The following CYB5R4 variants were observed in gnomAD, a reference collection of about 807,000 sequenced individuals.
CYB5R4 encodes cytochrome b5 reductase 4, also known as N-terminal cytochrome b5 and cytochrome b5 oxidoreductase domain-containing protein.
In CYB5R4, 55 loss-of-function variants were observed where a neutral mutation model predicts 70.2. That is an observed-to-expected ratio of 0.78 (90% CI 0.63 to 0.98). CYB5R4 has a LOEUF of 0.98. Ranked by LOEUF, CYB5R4 falls within the 50% of genes least tolerant of loss-of-function variation. CYB5R4 has a pLI of 0.00. For missense variants in CYB5R4, 562 were observed against 612.6 expected (o/e 0.92, Z 0.87); for synonymous variants, 197 against 199.5 (o/e 0.99, Z 0.11).
Position 83,931,804 on chromosome 6 carries a change from T to TATATA in CYB5R4, c.815-2791_815-2790insATATA, listed in dbSNP as rs56378960. ...TCTTTTTTGTTTATATATATATATA[T>TATATA]TTTTTTTTTATTATACTTTAAGTTC... On this transcript the variant is annotated intron_variant, in intron 10 of 15. Transcript: ENST00000369681. Among the ~76,000 whole-genome samples, 644 of 135,078 alleles carry TATATA rather than the reference T, an allele frequency of 4.8e-3. 4 individuals carry two copies. The highest frequency in any genetic ancestry group is 0.016 in the African/African-American group (589 of 36,540). The allele number at this position is 135,078 out of a possible 152,430, so 88.6% of individuals were successfully genotyped here.
chr6:83,876,455 A>T (rs2099458571), intron 2 of CYB5R4, among the ~76,000 whole-genome samples: 1 of 150,900 alleles, frequency 6.6e-6, no homozygotes, highest in Non-Finnish European at 1.5e-5. Flanking sequence ...TTATATTTTA[A>T]TGAAACCATT....
At chr6:83,940,260 A>G in intron 13 of CYB5R4, 54 bp downstream of exon 13, 2 of 1,485,056 alleles carry the variant, frequency 1.3e-6, no homozygotes, top group Non-Finnish European at 9.1e-7. Context: ...ATATTAGTAT[A>G]AGGTATTCTA....
intron 9 of CYB5R4, among the ~76,000 whole-genome samples, chr6:83,923,668 T>C (rs1314822101): frequency 6.6e-6 from 1 of 152,172 alleles, no homozygotes; most frequent in African/African-American, 2.4e-5. Context: ...ATCTAAAATA[T>C]TTTTATCAAA....
chr6:83,887,260 G>A (rs1562830606), intron 2 of CYB5R4, among the ~76,000 whole-genome samples: 1 of 152,158 alleles, frequency 6.6e-6, no homozygotes, highest in Admixed American at 6.6e-5. Flanking sequence ...ATATTATAGA[G>A]ATAAAGCCTG....
chr6:83,966,728 T>G lies in CYB5R4; in HGVS notation c.*6850T>G, dbSNP rs1330654883. 2.0e-5 allele frequency: 3 copies of G among 151,914 alleles called. No homozygotes were observed. The highest frequency in any genetic ancestry group is 2.0e-4 in the Admixed American group (3 of 15,242). 9.4% of individuals were successfully genotyped at this position (151,914 alleles called of 1,614,324 possible). On this transcript the variant is annotated 3_prime_UTR_variant, in exon 16 of 16. Coordinates refer to ENST00000369681, the MANE Select transcript of CYB5R4 (RefSeq NM_016230.4). ...CAAATAAAAAGGATTCTAGAGGAAG[T>G]GGTAAATAGTGAAGATAGGCAAAGA...
chr6:83,911,764 C>T (rs1377949805), intron 4 of CYB5R4, among the ~76,000 whole-genome samples: 1 of 152,158 alleles, frequency 6.6e-6, no homozygotes, highest in African/African-American at 2.4e-5. Flanking sequence ...AGCGTATCAT[C>T]TGGGTACGGT....
chr6:83,888,671 T>C, intron 2 of CYB5R4, among the ~76,000 whole-genome samples: 1 of 152,160 alleles, frequency 6.6e-6, no homozygotes, highest in Non-Finnish European at 1.5e-5. Context: ...ATATTGAGAT[T>C]AGGACAATTA....
At chr6:83,898,711 A>C (rs1588568775) in intron 3 of CYB5R4, among the ~76,000 whole-genome samples, 1 of 150,728 alleles carries the variant, frequency 6.6e-6, no homozygotes, top group African/African-American at 2.4e-5. Context: ...TAGGTATTTT[A>C]TTCTCTTTGA....
At chr6:83,879,282 G>A (rs1475486458) in intron 2 of CYB5R4, among the ~76,000 whole-genome samples, 1 of 152,064 alleles carries the variant, frequency 6.6e-6, no homozygotes, top group Non-Finnish European at 1.5e-5. Context: ...TCTAGGATGT[G>A]AGCAGTTTCC....
chr6:83,933,131 A>C (rs976285906), intron 10 of CYB5R4, among the ~76,000 whole-genome samples: 1 of 152,186 alleles, frequency 6.6e-6, no homozygotes, highest in Non-Finnish European at 1.5e-5. Flanking sequence ...CTCCTTGTGC[A>C]TGGGCCTATG....
chr6:83,889,996 G>C (rs955839220), intron 2 of CYB5R4, among the ~76,000 whole-genome samples: 1 of 152,086 alleles, frequency 6.6e-6, no homozygotes, highest in African/African-American at 2.4e-5. Context: ...CCAGCATTGA[G>C]GATTACAATT....
At chr6:83,860,638 T>A (rs1005518079) in intron 1 of CYB5R4, among the ~76,000 whole-genome samples, 4 of 152,206 alleles carry the variant, frequency 2.6e-5, no homozygotes, top group African/African-American at 9.7e-5. Flanking sequence ...TTATCTTTCG[T>A]TTGTGACACT....
At chr6:83,877,636 A>C (rs1388989258) in intron 2 of CYB5R4, among the ~76,000 whole-genome samples, 3 of 151,182 alleles carry the variant, frequency 2.0e-5, no homozygotes, top group Non-Finnish European at 4.4e-5. Context: ...CACCCACAAA[A>C]GAGGGCATTA....
intron 10 of CYB5R4, among the ~76,000 whole-genome samples, chr6:83,932,304 C>G (rs1007026492): frequency 1.3e-5 from 2 of 152,144 alleles, no homozygotes; most frequent in African/African-American, 4.8e-5. Context: ...TGTGTCAACT[C>G]TCTAACAAGG....
intron 3 of CYB5R4, among the ~76,000 whole-genome samples, chr6:83,894,265 C>T (rs2099461540): frequency 1.3e-5 from 2 of 152,160 alleles, no homozygotes; most frequent in African/African-American, 4.8e-5. Flanking sequence ...CTCAGTAATT[C>T]TGAGTATTCT....
chr6:83,966,723 G>A lies in CYB5R4; in HGVS notation c.*6845G>A, dbSNP rs1232431549. 2 of 151,968 alleles carry A rather than the reference G, an allele frequency of 1.3e-5. No homozygotes were observed. Among genetic ancestry groups the A allele is most frequent in the Non-Finnish European group, 2.9e-5 (2 of 67,972 alleles). The allele number at this position is 151,968 out of a possible 1,614,324, so 9.4% of individuals were successfully genotyped here. ...TAAAACAAATAAAAAGGATTCTAGA[G>A]GAAGTGGTAAATAGTGAAGATAGGC... On this transcript the variant is annotated 3_prime_UTR_variant, in exon 16 of 16. Coordinates refer to ENST00000369681, the MANE Select transcript of CYB5R4 (RefSeq NM_016230.4).
At chr6:83,899,913 C>G (rs1022064212) in intron 3 of CYB5R4, among the ~76,000 whole-genome samples, 5 of 152,086 alleles carry the variant, frequency 3.3e-5, no homozygotes, top group African/African-American at 9.7e-5. Flanking sequence ...TTTCAAAAAA[C>G]CAGCTCCTGG....
chr6:83,919,289 AG>A, intron 6 of CYB5R4, 107 bp from the exon 7 acceptor site: 1 of 603,336 alleles, frequency 1.7e-6, no homozygotes, highest in Non-Finnish European at 2.8e-6. Context: ...CTTAACCTAG[AG>A]AAATACAGAT....
chr6:83,884,168 C>A (rs957590260), intron 2 of CYB5R4, among the ~76,000 whole-genome samples: 28 of 151,600 alleles, frequency 1.8e-4, no homozygotes, highest in Non-Finnish European at 8.8e-5. Flanking sequence ...TAATAATTAT[C>A]TATCATGTAA....
Sources: gnomAD v4.1 joint callset for allele counts (sites outside exome capture counted in the v4.1 genomes callset) on GRCh38, gnomAD v4.1.1 for gene constraint, MANE v1.5 for transcripts, NCBI Gene and HGNC (gene_info 2026-07-23, HGNC 2026-07-21) for gene names.